CCDC30: variants seen among roughly 807,000 people sequenced by gnomAD.
CCDC30 encodes the protein coiled-coil domain containing 30.
In CCDC30, 70 loss-of-function variants were observed where a neutral mutation model predicts 100.2. The observed-to-expected ratio is 0.70, with a 90% confidence interval of 0.58 to 0.85. The LOEUF (loss-of-function observed/expected upper bound fraction) is 0.85. CCDC30 is among the 40% of genes least tolerant of loss of function. CCDC30 has a pLI of 0.00. For missense variants in CCDC30, 652 were observed against 771.2 expected (o/e 0.85, Z 1.83); for synonymous variants, 233 against 269.5 (o/e 0.86, Z 1.33).
chr1:42,465,188 T>G (rs1232017126), intron 1 of CCDC30, among the ~76,000 whole-genome samples: 2 of 152,160 alleles, frequency 1.3e-5, no homozygotes, highest in Admixed American at 1.3e-4. Flanking sequence ...GGAGCACTCC[T>G]GTAGCCTGGC....
chr1:42,621,947 T>TCACTAAA (rs1192087906), intron 11 of CCDC30, among the ~76,000 whole-genome samples: 1 of 152,200 alleles, frequency 6.6e-6, no homozygotes. Context: ...GCAACTGGTC[T>TCACTAAA]GTTTCTTTAG....
At chr1:42,637,709 A>T (rs111449626) in intron 12 of CCDC30, among the ~76,000 whole-genome samples, 1 of 152,204 alleles carries the variant, frequency 6.6e-6, no homozygotes, top group Non-Finnish European at 1.5e-5. Flanking sequence ...TGCTTTGTGG[A>T]GCCCTCATTT....
chr1:42,460,857 A>G (rs575261344), upstream of CCDC30, among the ~76,000 whole-genome samples: 1 of 152,388 alleles, frequency 6.6e-6, no homozygotes, highest in African/African-American at 2.4e-5. Context: ...GGTGCCTAGC[A>G]TTTGATTCAC....
At chr1:42,521,588 G>T (rs1644648186) in intron 6 of CCDC30, among the ~76,000 whole-genome samples, 1 of 152,056 alleles carries the variant, frequency 6.6e-6, no homozygotes, top group Non-Finnish European at 1.5e-5. Context: ...TTATTGTGTT[G>T]TTCAAGTCCT....
chr1:42,527,335 T>C lies in CCDC30; in HGVS notation c.456+28419T>C, dbSNP rs138683770. ...TGTGATCAAGCAACTTTAGTTTAGA[T>C]GTTGGGAGCACACTTTGGAAACAGT... On this transcript the variant is annotated intron_variant, in intron 6 of 16. Coordinates refer to ENST00000668663, the Ensembl canonical transcript of CCDC30. Among the ~76,000 whole-genome samples the C allele has an allele frequency of 3.9e-3, 600 of 152,326 alleles. 6 individuals are homozygous for C. Among genetic ancestry groups the C allele is most frequent in the Admixed American group, 9.2e-3 (140 of 15,296 alleles).
chr1:42,501,766 A>G (rs907575645), intron 6 of CCDC30, among the ~76,000 whole-genome samples: 5 of 152,068 alleles, frequency 3.3e-5, no homozygotes, highest in African/African-American at 1.2e-4. Context: ...GCTGCAGAAC[A>G]GCAAATATTG....
In CCDC30 at chr1:42,581,521, G is replaced by A; in HGVS notation, c.1001+7G>A. ...AAGAAGAACAACAGAAGAGGTAAGA[G>A]GAGCAGAGATCTCAGTTTCCTGTGG... On this transcript the variant is annotated splice_region_variant and intron_variant, in intron 9 of 16. Transcript: ENST00000668663. 1 of 1,604,988 alleles carries A rather than the reference G, an allele frequency of 6.2e-7. No individual in the cohort carries two copies. The highest frequency in any genetic ancestry group is 8.5e-7 in the Non-Finnish European group (1 of 1,177,242).
At chr1:42,561,888 C>A (rs577758626) in intron 6 of CCDC30, among the ~76,000 whole-genome samples, 1 of 152,244 alleles carries the variant, frequency 6.6e-6, no homozygotes, top group East Asian at 1.9e-4. Flanking sequence ...ATACAGCTAA[C>A]AAGGGATGTG....
upstream of CCDC30, chr1:42,459,860 G>A (rs1270926653): frequency 6.2e-7 from 1 of 1,614,180 alleles, no homozygotes; most frequent in Admixed American, 1.7e-5. Flanking sequence ...AAGGCGTAGA[G>A]ATAGAAGAGA....
At chr1:42,647,960 G>A (rs1648020588) in intron 15 of CCDC30, among the ~76,000 whole-genome samples, 1 of 152,150 alleles carries the variant, frequency 6.6e-6, no homozygotes, top group African/African-American at 2.4e-5. Context: ...TTTGTTTTTA[G>A]ATGGAATTTC....
At chr1:42,625,932 C>A (rs1646924678) in intron 11 of CCDC30, among the ~76,000 whole-genome samples, 1 of 151,946 alleles carries the variant, frequency 6.6e-6, no homozygotes, top group African/African-American at 2.4e-5. Flanking sequence ...AAAATCTGTC[C>A]AATGCTGAAA....
chr1:42,540,730 T>C (rs927948611), intron 6 of CCDC30, among the ~76,000 whole-genome samples: 13 of 152,050 alleles, frequency 8.5e-5, no homozygotes, highest in African/African-American at 3.1e-4. Flanking sequence ...GTTGGAGACA[T>C]AATCTCCTTT....
chr1:42,456,498 A>C, the CCDC30 span: 23 of 1,408,074 alleles, frequency 1.6e-5, no homozygotes, highest in African/African-American at 3.1e-4. Flanking sequence ...CGCGTACACC[A>C]GGTAGGCGAG....
At chr1:42,465,457 C>T (rs747939381) in intron 1 of CCDC30, among the ~76,000 whole-genome samples, 3 of 152,156 alleles carry the variant, frequency 2.0e-5, no homozygotes, top group Non-Finnish European at 4.4e-5. Flanking sequence ...CTCCGCCTCC[C>T]GGGTTCAAGT....
chr1:42,533,092 T>G (rs1644832644), intron 6 of CCDC30, among the ~76,000 whole-genome samples: 1 of 152,220 alleles, frequency 6.6e-6, no homozygotes. Flanking sequence ...CTTGTCCCTG[T>G]GCCCTTTCCC....
intron 1 of CCDC30, among the ~76,000 whole-genome samples, chr1:42,466,000 T>A (rs1643567517): frequency 6.6e-6 from 1 of 152,256 alleles, no homozygotes; most frequent in Non-Finnish European, 1.5e-5. Flanking sequence ...TTTTTTACAT[T>A]GCTACAGTGT....
chr1:42,496,956 A>G lies in CCDC30; in HGVS notation c.242-142A>G, dbSNP rs749950502. ...TGAGAGCCTAGTGGCTCTCCTGCAC[A>G]GAGAGCCAGCCACATATGCAGAGAC... On this transcript the variant is annotated intron_variant, in intron 4 of 16. Transcript: ENST00000668663. The G allele has an allele frequency of 3.5e-4, 141 of 404,486 alleles. 1 individual carries two copies. The highest frequency in any genetic ancestry group is 5.7e-4 in the Non-Finnish European group (132 of 230,980). 25.1% of individuals were successfully genotyped at this position (404,486 alleles called of 1,614,324 possible). A position where few individuals can be genotyped will look rare whatever the true frequency, so the allele number is the denominator to read the frequency against.
At chr1:42,575,420 C>T (rs201449676) in intron 7 of CCDC30, among the ~76,000 whole-genome samples, 8 of 151,818 alleles carry the variant, frequency 5.3e-5, no homozygotes, top group African/African-American at 9.7e-5. Flanking sequence ...GAGGCCGAGG[C>T]GGGCAGATCA....
intron 1 of CCDC30, among the ~76,000 whole-genome samples, chr1:42,478,150 ATAATTT>A (rs1445087665): frequency 6.6e-6 from 1 of 152,244 alleles, no homozygotes; most frequent in African/African-American, 2.4e-5. Context: ...GAATCACTAA[ATAATTT>A]TAAGAGGGCA....
Sources: allele counts gnomAD v4.1 joint callset (sites outside exome capture counted in the v4.1 genomes callset), GRCh38; gene constraint gnomAD v4.1.1; transcripts MANE v1.5; gene names NCBI Gene and HGNC (gene_info 2026-07-23, HGNC 2026-07-21).